NPAS3: variants seen among roughly 807,000 people sequenced by gnomAD.
NPAS3 encodes neuronal PAS domain-containing protein 3.
A neutral mutation model predicts 73.1 loss-of-function variants in NPAS3; 14 were observed. The observed-to-expected ratio is 0.19, with a 90% CI of 0.13 to 0.30. NPAS3 has a LOEUF of 0.30. Among genes scored for constraint, NPAS3 ranks in the 10% least tolerant of loss-of-function variants. The pLI is 1.00. For missense variants in NPAS3, 1,096 were observed against 1,250.0 expected (o/e 0.88, Z 1.86); for synonymous variants, 620 against 541.5 (o/e 1.14, Z -2.01).
chr14:33,604,499 A>T (rs1353395249), intron 5 of NPAS3, among the ~76,000 whole-genome samples: 2 of 147,702 alleles, frequency 1.4e-5, no homozygotes, highest in Non-Finnish European at 1.5e-5. Context: ...AAGGAGGAAT[A>T]AAAAAAATTC....
At chr14:33,464,882 C>T (rs2050438710) in intron 4 of NPAS3, among the ~76,000 whole-genome samples, 1 of 152,160 alleles carries the variant, frequency 6.6e-6, no homozygotes, top group Admixed American at 6.5e-5. Context: ...GACCCCCACA[C>T]CTGTGACCCA....
chr14:33,441,155 A>G (rs1424755132), intron 4 of NPAS3, among the ~76,000 whole-genome samples: 2 of 152,180 alleles, frequency 1.3e-5, no homozygotes, highest in Non-Finnish European at 2.9e-5. Context: ...CTTTTACTCA[A>G]TTTCTGGATG....
intron 2 of NPAS3, among the ~76,000 whole-genome samples, chr14:33,203,853 G>A (rs1475885847): frequency 6.6e-6 from 1 of 152,148 alleles, no homozygotes; most frequent in Admixed American, 6.5e-5. Context: ...TGGGATGGCT[G>A]GGTCAAATGG....
rs1292237143 is a variant in NPAS3 at position 32,945,923 on chromosome 14, A to C, written c.50+6557A>C. On this transcript the variant is annotated intron_variant, in intron 1 of 11. Coordinates refer to ENST00000356141, the Ensembl canonical transcript of NPAS3. ...GCCACGTACATCTGCCTCTTTGGTC[A>C]CAGCATATGAAGTTCTCAAGGCCCT... Among the ~76,000 whole-genome samples the C allele has an allele frequency of 2.0e-5, 3 of 152,190 alleles. No homozygotes were observed. The East Asian group carries it at 5.8e-4, about 29-fold the overall frequency.
chr14:33,124,987 G>C (rs374968837), intron 2 of NPAS3, among the ~76,000 whole-genome samples: 2 of 152,118 alleles, frequency 1.3e-5, no homozygotes, highest in African/African-American at 4.8e-5. Flanking sequence ...AGAGCCTGGA[G>C]AACTACCTAT....
intron 6 of NPAS3, among the ~76,000 whole-genome samples, chr14:33,727,780 C>T (rs748761811): frequency 1.3e-5 from 2 of 152,062 alleles, no homozygotes; most frequent in Admixed American, 6.6e-5. Flanking sequence ...ATATTGGCAA[C>T]GGAATCCACG....
chr14:33,179,645 T>C (rs2045720303), intron 2 of NPAS3, among the ~76,000 whole-genome samples: 1 of 152,180 alleles, frequency 6.6e-6, no homozygotes, highest in African/African-American at 2.4e-5. Context: ...GAATCATAAG[T>C]CTGTTTACAA....
chr14:33,552,177 A>C (rs1248172831), intron 4 of NPAS3, among the ~76,000 whole-genome samples: 1 of 152,206 alleles, frequency 6.6e-6, no homozygotes, highest in African/African-American at 2.4e-5. Context: ...AAACAGAAAG[A>C]GCATGAGACT....
At chr14:33,688,018 G>A (rs1022481748) in intron 6 of NPAS3, among the ~76,000 whole-genome samples, 10 of 152,324 alleles carry the variant, frequency 6.6e-5, no homozygotes, top group African/African-American at 2.4e-4. Flanking sequence ...CTGATGTAAA[G>A]TCTAATACAG....
chr14:33,785,381 G>A (rs1056736934), intron 9 of NPAS3, among the ~76,000 whole-genome samples: 3 of 140,668 alleles, frequency 2.1e-5, no homozygotes, highest in African/African-American at 8.0e-5. Context: ...CTTGCAGTGA[G>A]CCAAGATCAT....
At chr14:33,350,227 TAA>T (rs986190501) in intron 3 of NPAS3, among the ~76,000 whole-genome samples, 15 of 152,312 alleles carry the variant, frequency 9.8e-5, no homozygotes, top group African/African-American at 3.1e-4. Flanking sequence ...TTCACATCTA[TAA>T]AAGTTTGTAA....
rs192311920 is a variant in NPAS3, at chr14:33,605,061, G to T, written c.558+44851G>T. Among the ~76,000 whole-genome samples, 314 of 151,756 alleles carry T rather than the reference G, an allele frequency of 2.1e-3. 1 individual carries two copies. Among genetic ancestry groups the T allele is most frequent in the African/African-American group, 7.3e-3 (301 of 41,428 alleles). The stretch of plus-strand genomic sequence containing the variant: ...GAAATTAAATCTAAAATGAGTAGAG[G>T]AATAGAAATAATTAAGATTAAAGTA... On this transcript the variant is annotated intron_variant, in intron 5 of 11. Transcript: ENST00000356141.
chr14:33,543,973 A>C (rs1353311040), intron 4 of NPAS3, among the ~76,000 whole-genome samples: 39 of 33,140 alleles, frequency 1.2e-3, no homozygotes, highest in African/African-American at 9.4e-3. Flanking sequence ...ATATATATAT[A>C]TATATATATA....
intron 7 of NPAS3, 144 bp from the exon 8 acceptor site, chr14:33,774,193 G>A: frequency 3.3e-6 from 2 of 613,912 alleles, no homozygotes. Flanking sequence ...AGGACACTGA[G>A]GGCATGCCGA....
rs3059406 is a variant in NPAS3, at chr14:33,655,331, C to CTTTT, written c.559-20859_559-20856dup. Among the ~76,000 whole-genome samples the CTTTT allele has an allele frequency of 4.3e-4, 46 of 105,860 alleles. 1 individual carries two copies. The highest frequency in any genetic ancestry group is 6.5e-4 in the African/African-American group (17 of 26,322). The allele number at this position is 105,860 out of a possible 152,430, so 69.4% of individuals were successfully genotyped here. ...ACTTTTTCTCTATATACCTTTGGCT[C>CTTTT]TTTTTTTTTTTTTTTTTTTTTTTTA... On this transcript the variant is annotated intron_variant, in intron 5 of 11. Coordinates refer to ENST00000356141, the Ensembl canonical transcript of NPAS3.
At chr14:32,980,819 C>G (rs935649903) in intron 1 of NPAS3, among the ~76,000 whole-genome samples, 1 of 152,166 alleles carries the variant, frequency 6.6e-6, no homozygotes, top group Non-Finnish European at 1.5e-5. Flanking sequence ...AGGCCAGTAT[C>G]TCTAAATTTG....
At chr14:33,042,348 T>C (rs1482913359) in intron 1 of NPAS3, among the ~76,000 whole-genome samples, 1 of 152,112 alleles carries the variant, frequency 6.6e-6, no homozygotes, top group East Asian at 1.9e-4. Context: ...GAATCCTCTA[T>C]TTAGAAGCAC....
At chr14:33,669,281 A>G (rs2059544045) in intron 5 of NPAS3, among the ~76,000 whole-genome samples, 2 of 152,202 alleles carry the variant, frequency 1.3e-5, no homozygotes, top group Admixed American at 6.5e-5. Flanking sequence ...CAGCACTGTG[A>G]TAAATACTAA....
chr14:33,342,770 G>A (rs570204983), intron 3 of NPAS3, among the ~76,000 whole-genome samples: 15 of 151,868 alleles, frequency 9.9e-5, no homozygotes, highest in South Asian at 4.2e-4. Flanking sequence ...TTGGTATGCC[G>A]TGTGTTGTTC....
Sources: allele counts gnomAD v4.1 joint callset (sites outside exome capture counted in the v4.1 genomes callset), GRCh38; gene constraint gnomAD v4.1.1; transcripts MANE v1.5; gene names NCBI Gene and HGNC (gene_info 2026-07-23, HGNC 2026-07-21).